Variants in AP3B1 observed in about 807,000 individuals in gnomAD.
The protein encoded by AP3B1 is AP-3 complex subunit beta-1.
Under a neutral mutation model 132.5 loss-of-function variants are expected in AP3B1, and 61 were observed. That is an observed-to-expected ratio of 0.46 (90% confidence interval 0.37 to 0.57). The LOEUF is 0.57. AP3B1 is among the 20% of genes least tolerant of loss of function. The probability of loss-of-function intolerance (pLI) is 0.00; values close to 1 mark genes in which losing one functional copy is unlikely to be tolerated. For missense variants in AP3B1, 1,120 were observed against 1,289.4 expected (o/e 0.87, Z 2.01); for synonymous variants, 388 against 438.3 (o/e 0.89, Z 1.43).
chr5:78,002,484 A>G lies in AP3B1; in HGVS notation c.*418T>C, dbSNP rs926304522. ...TTAAAAAGTATGTGATCTCATTTTC[A>G]CATACCAAGCTGAGAGGCCATTTAG... On this transcript the variant is annotated 3_prime_UTR_variant, in exon 27 of 27. Coordinates refer to ENST00000255194, the MANE Select transcript of AP3B1 (RefSeq NM_003664.5). 2.3e-6 allele frequency: 1 copy of G among 437,722 alleles called. No individual in the cohort carries two copies. The highest frequency in any genetic ancestry group is 4.0e-6 in the Non-Finnish European group (1 of 249,700). 27.1% of individuals were successfully genotyped at this position (437,722 alleles called of 1,614,324 possible).
chr5:78,114,197 A>C (rs1450904341), intron 18 of AP3B1, among the ~76,000 whole-genome samples: 3 of 152,164 alleles, frequency 2.0e-5, no homozygotes, highest in Admixed American at 2.0e-4. Flanking sequence ...ATTTGAGGGA[A>C]TCTCACTTCA....
intron 7 of AP3B1, among the ~76,000 whole-genome samples, chr5:78,201,247 C>T (rs1745276944): frequency 1.3e-5 from 2 of 152,308 alleles, no homozygotes; most frequent in South Asian, 4.1e-4. Context: ...AAAAGACTGA[C>T]AGGTTCTTGC....
In AP3B1 at chr5:78,098,703, T is replaced by A. The variant is rs11743939; in HGVS notation, c.2470+2250A>T. On this transcript the variant is annotated intron_variant, in intron 21 of 26. Transcript: ENST00000255194. ...AATGCTGCAATGAAATTTTTGTATA[T>A]GCCCTTATATGTTTTATTAATTCAA... Among the ~76,000 whole-genome samples, 1,441 of 152,348 alleles carry A rather than the reference T, an allele frequency of 9.5e-3. 14 individuals are homozygous for A. Among genetic ancestry groups the A allele is most frequent in the South Asian group, 0.032 (156 of 4,826 alleles).
intron 7 of AP3B1, among the ~76,000 whole-genome samples, chr5:78,212,653 G>C (rs1745790649): frequency 1.3e-5 from 2 of 152,144 alleles, no homozygotes; most frequent in Admixed American, 6.5e-5. Context: ...TTCAAGTGTT[G>C]ATGGTAAAAG....
intron 3 of AP3B1, among the ~76,000 whole-genome samples, chr5:78,237,289 A>G (rs906496780): frequency 6.6e-6 from 1 of 152,068 alleles, no homozygotes; most frequent in Non-Finnish European, 1.5e-5. Context: ...TGAGCCCAAG[A>G]GTTCAACACC....
At chr5:78,204,363 A>T (rs1173416095) in intron 7 of AP3B1, among the ~76,000 whole-genome samples, 6 of 152,212 alleles carry the variant, frequency 3.9e-5, no homozygotes, top group Non-Finnish European at 8.8e-5. Flanking sequence ...CCTAAAACTT[A>T]GCTGGGCCAT....
At chr5:78,199,698 T>A (rs1283723252) in intron 7 of AP3B1, among the ~76,000 whole-genome samples, 1 of 152,090 alleles carries the variant, frequency 6.6e-6, no homozygotes, top group Non-Finnish European at 1.5e-5. Flanking sequence ...GTGGACAACC[T>A]AAGAAGGAGG....
chr5:78,109,266 AC>A (rs1751473299), intron 20 of AP3B1, among the ~76,000 whole-genome samples: 2 of 152,184 alleles, frequency 1.3e-5, no homozygotes, highest in South Asian at 2.1e-4. Flanking sequence ...CAAGACAAAT[AC>A]TAGCCAATTT....
intron 14 of AP3B1, among the ~76,000 whole-genome samples, chr5:78,154,922 C>T (rs1404518124): frequency 3.9e-5 from 6 of 152,150 alleles, no homozygotes; most frequent in African/African-American, 9.7e-5. Flanking sequence ...TGAAGGGTCA[C>T]GTATCTCTCT....
At chr5:78,087,544 T>G (rs1750314110) in intron 22 of AP3B1, 2 of 985,308 alleles carry the variant, frequency 2.0e-6, no homozygotes, top group African/African-American at 1.7e-5. Context: ...TGTCATTCTT[T>G]TTAGCGCTAC....
At chr5:78,174,962 CA>C (rs1295056998) in intron 11 of AP3B1, among the ~76,000 whole-genome samples, 1 of 152,254 alleles carries the variant, frequency 6.6e-6, no homozygotes, top group Non-Finnish European at 1.5e-5. Flanking sequence ...TGCTGCCTCG[CA>C]ATTCAATCTA....
intron 13 of AP3B1, among the ~76,000 whole-genome samples, chr5:78,159,656 T>G (rs951405981): frequency 2.0e-5 from 3 of 152,192 alleles, no homozygotes; most frequent in Non-Finnish European, 4.4e-5. Context: ...AATCTCCCCA[T>G]CTATAGAAAC....
chr5:78,243,701 G>C (rs1196993020), intron 2 of AP3B1, among the ~76,000 whole-genome samples: 1 of 152,212 alleles, frequency 6.6e-6, no homozygotes. Context: ...CAAAGGAAGA[G>C]AGGAAGGGAC....
chr5:78,092,626 A>T (rs1298186240), intron 21 of AP3B1, among the ~76,000 whole-genome samples: 2 of 152,188 alleles, frequency 1.3e-5, no homozygotes, highest in Non-Finnish European at 2.9e-5. Context: ...ATACTGTGTA[A>T]GCTGGTACAA....
At chr5:78,157,801 GT>G (rs1239987504) in intron 13 of AP3B1, among the ~76,000 whole-genome samples, 1 of 151,954 alleles carries the variant, frequency 6.6e-6, no homozygotes, top group African/African-American at 2.4e-5. Context: ...CCAGGCTGGA[GT>G]ACCATGGCGC....
intron 7 of AP3B1, among the ~76,000 whole-genome samples, chr5:78,189,282 T>C (rs1744728807): frequency 6.6e-6 from 1 of 152,152 alleles, no homozygotes; most frequent in Non-Finnish European, 1.5e-5. Context: ...TAAATGTTTC[T>C]ATAGTGTCCT....
intron 14 of AP3B1, among the ~76,000 whole-genome samples, chr5:78,150,787 C>G (rs566506503): frequency 1.3e-5 from 2 of 151,864 alleles, no homozygotes; most frequent in Admixed American, 6.6e-5. Context: ...TTTTTTTTTA[C>G]ATAATTTCAG....
At chr5:78,046,201 G>A (rs911989795) in intron 22 of AP3B1, among the ~76,000 whole-genome samples, 2 of 152,198 alleles carry the variant, frequency 1.3e-5, no homozygotes, top group Non-Finnish European at 2.9e-5. Context: ...CAGGAATCCG[G>A]CCGCACAGCA....
intron 22 of AP3B1, among the ~76,000 whole-genome samples, chr5:78,081,113 C>A (rs1171585223): frequency 6.6e-6 from 1 of 152,046 alleles, no homozygotes; most frequent in Non-Finnish European, 1.5e-5. Flanking sequence ...ATCCAATAAC[C>A]AATTCCCTAG....
Sources: gnomAD v4.1 joint callset for allele counts (sites outside exome capture counted in the v4.1 genomes callset) on GRCh38, gnomAD v4.1.1 for gene constraint, MANE v1.5 for transcripts, NCBI Gene and HGNC (gene_info 2026-07-23, HGNC 2026-07-21) for gene names.